ADGRL3: variants seen among roughly 807,000 people sequenced by gnomAD.
ADGRL3 encodes the protein adhesion G protein-coupled receptor L3.
Under a neutral mutation model 153.5 loss-of-function variants are expected in ADGRL3, and 62 were observed. The ratio of observed to expected loss-of-function variants is 0.40; its 90% CI spans 0.33 to 0.50. The LOEUF (loss-of-function observed/expected upper bound fraction) is 0.50. ADGRL3 is among the 20% of genes least tolerant of loss of function. ADGRL3 has a pLI of 0.47. For synonymous variants in ADGRL3, 710 were observed against 672.5 expected (o/e 1.06, Z -0.86); for missense variants, 1,641 against 1,859.4 (o/e 0.88, Z 2.16).
At chr4:62,037,694 A>G (rs1005163017) in intron 23 of ADGRL3, 37 bp from the exon 24 acceptor site, 2 of 1,612,680 alleles carry the variant, frequency 1.2e-6, no homozygotes, top group Non-Finnish European at 1.7e-6. Context: ...CCTGCAATGA[A>G]TTACTTGCTA....
intron 5 of ADGRL3, among the ~76,000 whole-genome samples, chr4:61,611,673 G>A (rs1025781229): frequency 6.6e-6 from 1 of 151,970 alleles, no homozygotes; most frequent in African/African-American, 2.4e-5. Context: ...TTGTAATCCC[G>A]GCACTTTCAG....
Position 61,200,508 on chromosome 4 carries a change from C to A in ADGRL3, c.-1497C>A, listed in dbSNP as rs1285009068. 6.6e-6 allele frequency among the ~76,000 whole-genome samples: 1 copy of A among 151,298 alleles called. No homozygotes were observed. Among genetic ancestry groups the A allele is most frequent in the Admixed American group, 6.6e-5 (1 of 15,242 alleles). On this transcript the variant is annotated 5_prime_UTR_variant, in exon 1 of 27. Coordinates refer to ENST00000683033, the MANE Select transcript of ADGRL3 (RefSeq NM_001387552.1). ...TGCAGCTGGTCGGGGTGGGCGCCGC[C>A]GCCGCCGCCGCCGCCGCTGCTGCTG... is the stretch of plus-strand genomic sequence containing the variant.
At chr4:61,738,362 A>AAAC (rs2096543025) in intron 8 of ADGRL3, among the ~76,000 whole-genome samples, 1 of 152,138 alleles carries the variant, frequency 6.6e-6, no homozygotes, top group Admixed American at 6.5e-5. Flanking sequence ...TGCAACTGCG[A>AAAC]ATTGTGCTGC....
chr4:61,842,262 T>G (rs920591618), intron 9 of ADGRL3, among the ~76,000 whole-genome samples: 1 of 152,112 alleles, frequency 6.6e-6, no homozygotes, highest in Non-Finnish European at 1.5e-5. Context: ...ATACTTTGGG[T>G]GGGAGAATTT....
intron 4 of ADGRL3, among the ~76,000 whole-genome samples, chr4:61,565,392 T>C (rs1287242327): frequency 6.6e-6 from 1 of 152,198 alleles, no homozygotes; most frequent in African/African-American, 2.4e-5. Context: ...TTTAATGACA[T>C]ATTATTTTGG....
intron 12 of ADGRL3, among the ~76,000 whole-genome samples, chr4:61,910,051 G>T (rs1431074518): frequency 1.3e-5 from 2 of 151,962 alleles, no homozygotes; most frequent in African/African-American, 2.4e-5. Flanking sequence ...GTAGATAAAT[G>T]CAATTTCTTT....
At chr4:61,929,847 T>C (rs1477648853) in intron 13 of ADGRL3, among the ~76,000 whole-genome samples, 1 of 152,088 alleles carries the variant, frequency 6.6e-6, no homozygotes, top group Non-Finnish European at 1.5e-5. Flanking sequence ...AGATGATATT[T>C]GAGATAAAAC....
chr4:61,260,121 T>C (rs186828132), intron 1 of ADGRL3, among the ~76,000 whole-genome samples: 283 of 152,344 alleles, frequency 1.9e-3, no homozygotes, highest in African/African-American at 6.2e-3. Context: ...GAGATCAGAA[T>C]GATTCAGATA....
At chr4:61,777,746 AT>A (rs1472817316) in intron 8 of ADGRL3, among the ~76,000 whole-genome samples, 2 of 152,134 alleles carry the variant, frequency 1.3e-5, no homozygotes, top group Non-Finnish European at 2.9e-5. Context: ...GCCTTACTCT[AT>A]TTCTAGTATT....
intron 1 of ADGRL3, among the ~76,000 whole-genome samples, chr4:61,332,626 GA>G (rs1239918096): frequency 7.2e-5 from 11 of 151,970 alleles, no homozygotes; most frequent in Admixed American, 1.3e-4. Flanking sequence ...CTTTTTCTCT[GA>G]AAAACTAGTG....
At chr4:61,654,619 C>G (rs1339973758) in intron 5 of ADGRL3, among the ~76,000 whole-genome samples, 2 of 151,992 alleles carry the variant, frequency 1.3e-5, no homozygotes, top group East Asian at 3.9e-4. Flanking sequence ...AGAAACTAGG[C>G]TGGGTGTGGT....
intron 8 of ADGRL3, among the ~76,000 whole-genome samples, chr4:61,773,151 C>T (rs934907991): frequency 4.6e-5 from 7 of 152,136 alleles, no homozygotes; most frequent in Non-Finnish European, 1.0e-4. Flanking sequence ...GCACAGTTTA[C>T]ATGCACTTGT....
chr4:61,629,634 T>A (rs1307442653), intron 5 of ADGRL3, among the ~76,000 whole-genome samples: 2 of 141,736 alleles, frequency 1.4e-5, no homozygotes, highest in African/African-American at 5.3e-5. Flanking sequence ...GGAGAATTGC[T>A]TAAACTGGGG....
At chr4:61,520,532 T>C (rs971923753) in intron 4 of ADGRL3, among the ~76,000 whole-genome samples, 4 of 152,184 alleles carry the variant, frequency 2.6e-5, no homozygotes, top group Non-Finnish European at 5.9e-5. Flanking sequence ...AAGAGGGTTA[T>C]ATATTTGATC....
chr4:61,631,159 T>G (rs2093142648), intron 5 of ADGRL3, among the ~76,000 whole-genome samples: 1 of 152,224 alleles, frequency 6.6e-6, no homozygotes, highest in Non-Finnish European at 1.5e-5. Flanking sequence ...TTATGTCTAA[T>G]GAATTTGCAC....
chr4:61,489,209 C>T (rs2098230758), intron 2 of ADGRL3, among the ~76,000 whole-genome samples: 1 of 151,840 alleles, frequency 6.6e-6, no homozygotes, highest in Non-Finnish European at 1.5e-5. Flanking sequence ...AAGTAATCTG[C>T]TTATGTCATA....
Position 62,070,320 on chromosome 4 carries a change from C to A in ADGRL3, c.4044C>A (p.Asn1348Lys). 1 of 1,555,022 alleles carries A rather than the reference C, an allele frequency of 6.4e-7. No homozygotes were observed. Among genetic ancestry groups the A allele is most frequent in the Non-Finnish European group, 8.7e-7 (1 of 1,148,474 alleles). The change falls in exon 27 of 27, where the codon AAC (asparagine) becomes AAA (lysine). Residue 1348 changes from asparagine (N) to lysine (K), a missense_variant. Physicochemically the swap from Asn to Lys is moderately conservative, Grantham distance 94. This residue lies in a region of ADGRL3 where 517 missense variants were observed against 555.0 expected (regional missense o/e 0.93). Coordinates refer to ENST00000683033, the MANE Select transcript of ADGRL3 (RefSeq NM_001387552.1). ...TSNYIPSYLN[N>K]HERSSEQNRN... The stretch of plus-strand genomic sequence containing the variant: ...ACTATATCCCTTCTTACCTGAACAA[C>A]CATGAGCGCTCCAGTGAACAGAACA...
At chr4:61,685,731 A>G (rs1290841439) in intron 6 of ADGRL3, among the ~76,000 whole-genome samples, 1 of 152,148 alleles carries the variant, frequency 6.6e-6, no homozygotes, top group African/African-American at 2.4e-5. Context: ...CACTACTGAT[A>G]ATGAAAATCA....
At chr4:61,575,894 G>A (rs1010125610) in intron 4 of ADGRL3, among the ~76,000 whole-genome samples, 2 of 151,928 alleles carry the variant, frequency 1.3e-5, no homozygotes, top group Admixed American at 1.3e-4. Context: ...ACTTTCTATT[G>A]ATTTTTTTGT....
Sources: allele counts gnomAD v4.1 joint callset (sites outside exome capture counted in the v4.1 genomes callset), GRCh38; gene constraint gnomAD v4.1.1; regional missense constraint gnomAD v4.1.1; transcripts MANE v1.5; gene names NCBI Gene and HGNC (gene_info 2026-07-23, HGNC 2026-07-21).